The following CCNYL1 variants were observed in gnomAD, a reference collection of about 807,000 sequenced individuals.
CCNYL1 encodes the protein cyclin Y like 1, also known as cyclin-Y-like protein 1.
A neutral mutation model predicts 44.2 loss-of-function variants in CCNYL1; 16 were observed. The ratio of observed to expected loss-of-function variants is 0.36; its 90% CI spans 0.25 to 0.55. The LOEUF is 0.55. Among genes scored for constraint, CCNYL1 ranks in the 20% least tolerant of loss-of-function variants. The pLI is 0.85. For synonymous variants in CCNYL1, 159 were observed against 163.2 expected, an observed-to-expected ratio of 0.97 and a Z score of 0.20; for missense variants, 348 against 451.8, an observed-to-expected ratio of 0.77 and a Z score of 2.08.
In CCNYL1 at chr2:207,721,734, GTT is replaced by G. The variant is rs59024332; in HGVS notation, c.221-3053_221-3052del. 2.8e-4 allele frequency among the ~76,000 whole-genome samples: 40 copies of G among 141,138 alleles called. No homozygotes were observed. The South Asian group carries it at 7.8e-3, about 27-fold the overall frequency. 92.6% of individuals were successfully genotyped at this position (141,138 alleles called of 152,430 possible). On this transcript the variant is annotated intron_variant, in intron 1 of 9. Transcript: ENST00000295414. Reference sequence around the variant, plus strand: ...TTTCAAACATTCTTAGGAGTTTTTTGTTTTTTTTTTTTTTGTTTTGAGACAGA... The same window carrying G: ...TTTCAAACATTCTTAGGAGTTTTTTGTTTTTTTTTTTTGTTTTGAGACAGA...
intron 3 of CCNYL1, among the ~76,000 whole-genome samples, chr2:207,730,154 T>C (rs576333196): frequency 6.6e-6 from 1 of 152,292 alleles, no homozygotes; most frequent in African/African-American, 2.4e-5. Context: ...AGTGTGTAGT[T>C]TTTTTTCCCA....
intron 3 of CCNYL1, among the ~76,000 whole-genome samples, chr2:207,730,055 A>G (rs1466253848): frequency 6.6e-6 from 1 of 152,124 alleles, no homozygotes; most frequent in Non-Finnish European, 1.5e-5. Context: ...TCAGAGAAGA[A>G]TCTCCCAATT....
intron 1 of CCNYL1, among the ~76,000 whole-genome samples, chr2:207,722,493 A>C (rs888863703): frequency 3.5e-4 from 52 of 150,216 alleles, no homozygotes; most frequent in African/African-American, 1.2e-3. Flanking sequence ...CTCCTCTTTG[A>C]TTTTGGTACT....
intron 7 of CCNYL1, among the ~76,000 whole-genome samples, chr2:207,743,920 A>AGT (rs1447303681): frequency 6.6e-6 from 1 of 151,932 alleles, no homozygotes; most frequent in Non-Finnish European, 1.5e-5. Flanking sequence ...ATCCTGCCAG[A>AGT]GTGTTGGGAT....
chr2:207,720,445 G>A lies in CCNYL1; in HGVS notation c.221-4355G>A, dbSNP rs147922762. On this transcript the variant is annotated intron_variant, in intron 1 of 9. Coordinates refer to ENST00000295414, the MANE Select transcript of CCNYL1 (RefSeq NM_001330218.2). ...ATGAGACAGGGTCACAACTCTGCCT[G>A]TCGCCCAGGCTGGAGCACAGTAGTG... Among the ~76,000 whole-genome samples, 663 of 149,814 alleles carry A rather than the reference G, an allele frequency of 4.4e-3. 1 individual carries two copies. Among genetic ancestry groups the A allele is most frequent in the Non-Finnish European group, 6.7e-3 (457 of 67,740 alleles).
At chr2:207,738,696 T>C (rs1461217960) in intron 5 of CCNYL1, among the ~76,000 whole-genome samples, 1 of 148,662 alleles carries the variant, frequency 6.7e-6, no homozygotes, top group East Asian at 2.0e-4. Context: ...ATATGGAAAA[T>C]ATTGGTTCAC....
intron 8 of CCNYL1, among the ~76,000 whole-genome samples, chr2:207,749,657 A>T (rs1461513071): frequency 6.6e-6 from 1 of 152,242 alleles, no homozygotes; most frequent in East Asian, 1.9e-4. Context: ...TGTGAAGTGC[A>T]TTTATTGCTG....
At chr2:207,722,790 C>G (rs1164844272) in intron 1 of CCNYL1, among the ~76,000 whole-genome samples, 1 of 151,968 alleles carries the variant, frequency 6.6e-6, no homozygotes, top group African/African-American at 2.4e-5. Context: ...GAAACCCAGT[C>G]CCTACTAAAA....
At chr2:207,729,449 T>C (rs1449784863) in intron 3 of CCNYL1, among the ~76,000 whole-genome samples, 1 of 152,108 alleles carries the variant, frequency 6.6e-6, no homozygotes, top group African/African-American at 2.4e-5. Flanking sequence ...CATGCATTCC[T>C]TTTTCCTATT....
At chr2:207,721,620 A>G (rs951786350) in intron 1 of CCNYL1, among the ~76,000 whole-genome samples, 3 of 152,228 alleles carry the variant, frequency 2.0e-5, no homozygotes, top group Non-Finnish European at 4.4e-5. Context: ...TTAAGTTGCA[A>G]TTTAAATTGA....
intron 7 of CCNYL1, among the ~76,000 whole-genome samples, chr2:207,742,965 T>C (rs1408449405): frequency 6.6e-6 from 1 of 152,212 alleles, no homozygotes; most frequent in East Asian, 1.9e-4. Flanking sequence ...TATGGTAAGA[T>C]TTTATCATTG....
At position 207,740,637 on chromosome 2, in the gene CCNYL1, CAT is replaced by C. The variant is rs761926057; in HGVS notation, c.468-15_468-14del. On this transcript the variant is annotated splice_polypyrimidine_tract_variant and intron_variant, in intron 5 of 9. Transcript: ENST00000295414. ...AATTCCTGAATTAACTTCTTCAATG[CAT>C]ATTCTTATTTTATAGAGATGCAAAT... The C allele has an allele frequency of 6.6e-7, 1 of 1,522,954 alleles. No individual in the cohort carries two copies. The highest frequency in any genetic ancestry group is 9.1e-7 in the Non-Finnish European group (1 of 1,099,596). The allele number at this position is 1,522,954 out of a possible 1,614,324, so 94.3% of individuals were successfully genotyped here. A position where few individuals can be genotyped will look rare whatever the true frequency, so the allele number is the denominator to read the frequency against.
intron 3 of CCNYL1, among the ~76,000 whole-genome samples, chr2:207,728,261 C>CTTTTTTTTT (rs571559698): frequency 1.4e-5 from 2 of 140,954 alleles, no homozygotes; most frequent in African/African-American, 5.2e-5. Context: ...TGCACCTGGC[C>CTTTTTTTTT]TTTTTTTTTT....
chr2:207,738,421 A>G (rs1441098731), intron 5 of CCNYL1, among the ~76,000 whole-genome samples: 1 of 152,090 alleles, frequency 6.6e-6, no homozygotes, highest in Non-Finnish European at 1.5e-5. Context: ...GAGTTTTGCC[A>G]TGTTGACCAG....
intron 7 of CCNYL1, among the ~76,000 whole-genome samples, chr2:207,744,671 GGAA>G (rs202018487): frequency 0.013 from 1,908 of 152,226 alleles, 20 homozygotes; most frequent in Middle Eastern, 0.048. Flanking sequence ...CGCCTGGCCA[GGAA>G]GAAGTTTTTA....
intron 1 of CCNYL1, among the ~76,000 whole-genome samples, 180 bp from the exon 2 acceptor site, chr2:207,724,620 G>C (rs570763608): frequency 3.5e-4 from 53 of 152,194 alleles, no homozygotes; most frequent in South Asian, 1.9e-3. Context: ...CGTGTGTGGA[G>C]AGATTCTACA....
chr2:207,722,349 A>G (rs1226049629), intron 1 of CCNYL1, among the ~76,000 whole-genome samples: 2 of 152,060 alleles, frequency 1.3e-5, no homozygotes, highest in East Asian at 3.9e-4. Context: ...TTGGGATTAC[A>G]GGCATGAGCC....
intron 3 of CCNYL1, among the ~76,000 whole-genome samples, chr2:207,731,332 A>T (rs2091724246): frequency 6.6e-6 from 1 of 152,196 alleles, no homozygotes; most frequent in African/African-American, 2.4e-5. Flanking sequence ...TCAGTAGATT[A>T]CTAAGTATGA....
intron 1 of CCNYL1, among the ~76,000 whole-genome samples, chr2:207,720,208 AAGG>A (rs1343226239): frequency 1.3e-5 from 2 of 151,292 alleles, no homozygotes; most frequent in African/African-American, 4.8e-5. Flanking sequence ...AAAAAAAAAA[AAGG>A]CTTGGTAGAT....
Sources: gnomAD v4.1 joint callset for allele counts (sites outside exome capture counted in the v4.1 genomes callset) on GRCh38, gnomAD v4.1.1 for gene constraint, MANE v1.5 for transcripts, NCBI Gene and HGNC (gene_info 2026-07-23, HGNC 2026-07-21) for gene names.